KCNK9: variants seen among roughly 807,000 people sequenced by gnomAD.
KCNK9 encodes potassium channel subfamily K member 9.
In KCNK9, 1 loss-of-function variant was observed where a neutral mutation model predicts 10.8. The observed-to-expected ratio is 0.09, with a 90% confidence interval of 0.03 to 0.44. The LOEUF is 0.44. KCNK9 is among the 20% of genes least tolerant of loss of function. The pLI is 0.97. For missense variants in KCNK9, 303 were observed against 515.0 expected (o/e 0.59, Z 3.98); for synonymous variants, 231 against 222.7 (o/e 1.04, Z -0.33).
At chr8:139,638,885 G>A (rs76286373) in intron 1 of KCNK9, among the ~76,000 whole-genome samples, 1,851 of 152,270 alleles carry the variant, frequency 0.012, 37 homozygotes, top group African/African-American at 0.043. Context: ...GGCCTGGAGC[G>A]AGTCCACCAG....
chr8:139,695,992 C>T (rs1817040399), intron 1 of KCNK9, among the ~76,000 whole-genome samples: 1 of 152,190 alleles, frequency 6.6e-6, no homozygotes, highest in Admixed American at 6.5e-5. Flanking sequence ...TCCCTCTCAT[C>T]TTCCAGGTCT....
At chr8:139,605,626 A>G (rs929495091) in intron 2 of KCNK9, among the ~76,000 whole-genome samples, 5 of 152,234 alleles carry the variant, frequency 3.3e-5, no homozygotes, top group African/African-American at 9.6e-5. Context: ...ACCAAGATAC[A>G]TTTGTAAACG....
At chr8:139,625,681 A>T (rs1162657128) in intron 1 of KCNK9, among the ~76,000 whole-genome samples, 1 of 151,820 alleles carries the variant, frequency 6.6e-6, no homozygotes, top group Non-Finnish European at 1.5e-5. Flanking sequence ...GGCTTTGCAG[A>T]GAAGCAGCCT....
intron 1 of KCNK9, among the ~76,000 whole-genome samples, chr8:139,663,999 G>A (rs1816234513): frequency 6.6e-6 from 1 of 152,152 alleles, no homozygotes; most frequent in Non-Finnish European, 1.5e-5. Flanking sequence ...GAATGCTCTG[G>A]AGAACGCTGC....
At chr8:139,634,533 C>G (rs1214344012) in intron 1 of KCNK9, among the ~76,000 whole-genome samples, 1 of 152,184 alleles carries the variant, frequency 6.6e-6, no homozygotes, top group African/African-American at 2.4e-5. Flanking sequence ...TTTTCAGGAG[C>G]CCCTTTTATG....
At chr8:139,683,721 C>A (rs992694479) in intron 1 of KCNK9, among the ~76,000 whole-genome samples, 14 of 152,216 alleles carry the variant, frequency 9.2e-5, no homozygotes, top group Non-Finnish European at 1.6e-4. Flanking sequence ...GTGTGAAGGG[C>A]CACTGAACAG....
chr8:139,662,427 G>A (rs1241006605), intron 1 of KCNK9, among the ~76,000 whole-genome samples: 2 of 152,162 alleles, frequency 1.3e-5, no homozygotes, highest in African/African-American at 4.8e-5. Context: ...ATGCTGAGCT[G>A]TACATGGCAT....
chr8:139,661,646 T>C (rs1434931828), intron 1 of KCNK9, among the ~76,000 whole-genome samples: 3 of 152,080 alleles, frequency 2.0e-5, no homozygotes, highest in African/African-American at 7.2e-5. Flanking sequence ...ACGGCCCAGC[T>C]CCAGGGAACT....
chr8:139,651,348 C>T (rs548318190), intron 1 of KCNK9, among the ~76,000 whole-genome samples: 33 of 152,290 alleles, frequency 2.2e-4, no homozygotes, highest in Non-Finnish European at 4.3e-4. Flanking sequence ...GGCTGCTGAC[C>T]ACAATCCCAC....
intron 2 of KCNK9, among the ~76,000 whole-genome samples, chr8:139,602,355 T>C (rs1817392145): frequency 6.6e-6 from 1 of 152,218 alleles, no homozygotes; most frequent in Non-Finnish European, 1.5e-5. Context: ...CCCCCTAGGT[T>C]GGCAAAGTTC....
intron 1 of KCNK9, among the ~76,000 whole-genome samples, chr8:139,666,137 C>T (rs936793279): frequency 6.6e-6 from 1 of 152,216 alleles, no homozygotes; most frequent in Non-Finnish European, 1.5e-5. Context: ...GGTCCCTGTT[C>T]TAAGCAGGAG....
At chr8:139,614,299 C>T (rs754081050), downstream of KCNK9, among the ~76,000 whole-genome samples, 1 of 152,174 alleles carries the variant, frequency 6.6e-6, no homozygotes, top group Non-Finnish European at 1.5e-5. Flanking sequence ...TCATCAATCT[C>T]CCTCCCTTTG....
chr8:139,606,772 G>A (rs193065404), intron 2 of KCNK9, among the ~76,000 whole-genome samples: 192 of 152,292 alleles, frequency 1.3e-3, no homozygotes, highest in Non-Finnish European at 2.0e-3. Context: ...CTGTTTAACT[G>A]TAAGCCGCCT....
At chr8:139,603,603 G>C (rs1166201494) in intron 2 of KCNK9, among the ~76,000 whole-genome samples, 1 of 152,170 alleles carries the variant, frequency 6.6e-6, no homozygotes, top group Admixed American at 6.5e-5. Context: ...GAGCAAACAG[G>C]GTATACGGCC....
intron 1 of KCNK9, among the ~76,000 whole-genome samples, chr8:139,654,862 T>C (rs992223521): frequency 2.0e-5 from 3 of 151,890 alleles, no homozygotes; most frequent in Admixed American, 6.6e-5. Flanking sequence ...AGAGGATGGC[T>C]GGGTGGGTGC....
At position 139,665,218 on chromosome 8, in the gene KCNK9, G is replaced by A. The variant is rs200741483; in HGVS notation, c.283+37492C>T. 4.6e-5 allele frequency among the ~76,000 whole-genome samples: 7 copies of A among 152,234 alleles called. 1 individual carries two copies. In the East Asian group the frequency reaches 7.7e-4, roughly 17 times the overall value. On this transcript the variant is annotated intron_variant, in intron 1 of 1. Transcript: ENST00000520439. ...GCTGCCTACCTTCTGAGGGCCATCC[G>A]GGAGAGGTCACTCCCTGCTTTTTCC...
chr8:139,661,138 C>T (rs982763568), intron 1 of KCNK9, among the ~76,000 whole-genome samples: 3 of 152,210 alleles, frequency 2.0e-5, no homozygotes, highest in Admixed American at 6.5e-5. Flanking sequence ...CAGTGGGGTC[C>T]GATCACGCAG....
At position 139,647,766 on chromosome 8, in the gene KCNK9, A is replaced by AG. The variant is rs201045901; in HGVS notation, c.284-28668dup. 8.3e-3 allele frequency among the ~76,000 whole-genome samples: 1,271 copies of AG among 152,264 alleles called. 17 individuals carry two copies. The highest frequency in any genetic ancestry group is 0.03 in the African/African-American group (1,233 of 41,540). Reference sequence around the variant, plus strand: ...GGAGCTTCCAGAGTTCTGAGCCCTAAGGGACTTCACTTCCACCTTAAAAGG... The same window carrying AG: ...GGAGCTTCCAGAGTTCTGAGCCCTAAGGGGACTTCACTTCCACCTTAAAAGG... On this transcript the variant is annotated intron_variant, in intron 1 of 1. Transcript: ENST00000520439.
intron 1 of KCNK9, among the ~76,000 whole-genome samples, chr8:139,643,682 G>A (rs1378384279): frequency 2.0e-5 from 3 of 152,090 alleles, no homozygotes; most frequent in East Asian, 1.9e-4. Flanking sequence ...GTCTAACCAC[G>A]CTGCTGGCAG....
Sources: gnomAD v4.1 joint callset for allele counts (sites outside exome capture counted in the v4.1 genomes callset) on GRCh38, gnomAD v4.1.1 for gene constraint, MANE v1.5 for transcripts, NCBI Gene and HGNC (gene_info 2026-07-23, HGNC 2026-07-21) for gene names.